CLEC2L: variants seen among roughly 807,000 people sequenced by gnomAD.
The protein encoded by CLEC2L is C-type lectin domain family 2 member L.
CLEC2L carries 14 observed loss-of-function variants against 23.6 expected under a neutral mutation model. The ratio of observed to expected loss-of-function variants is 0.59; its 90% CI spans 0.39 to 0.93. The LOEUF is 0.93. Among genes scored for constraint, CLEC2L ranks in the 40% least tolerant of loss-of-function variants. CLEC2L has a pLI of 0.00. For missense variants in CLEC2L, 264 were observed against 282.4 expected (o/e 0.93, Z 0.47); for synonymous variants, 114 against 121.3 (o/e 0.94, Z 0.40).
intron 3 of CLEC2L, among the ~76,000 whole-genome samples, chr7:139,541,170 G>A (rs62491676): frequency 0.012 from 1,855 of 152,018 alleles, 18 homozygotes; most frequent in Non-Finnish European, 0.02. Flanking sequence ...CACCATGCCT[G>A]GCTACTTTTT....
At chr7:139,534,472 C>T (rs1229922350) in intron 1 of CLEC2L, 2 of 787,240 alleles carry the variant, frequency 2.5e-6, no homozygotes, top group South Asian at 1.3e-5. Flanking sequence ...GATACCCAGA[C>T]ATACCAGCCT....
At position 139,540,724 on chromosome 7, in the gene CLEC2L, C is replaced by T. The variant is rs1797722317; in HGVS notation, c.432+237C>T. 6.6e-6 allele frequency among the ~76,000 whole-genome samples: 1 copy of T among 152,146 alleles called. No homozygotes were observed. ...GCCACCTATTTCAATCCAAGGCCCA[C>T]TGGTTGAGGTCACTTAGTATTATAA... On this transcript the variant is annotated intron_variant, in intron 3 of 4. Transcript: ENST00000422142. The surrounding 1 kb of genome is among the most constrained non-coding windows in gnomAD (Gnocchi z 5.8).
intron 4 of CLEC2L, among the ~76,000 whole-genome samples, chr7:139,542,958 T>TGCCA (rs1797758843): frequency 6.6e-6 from 1 of 151,902 alleles, no homozygotes; most frequent in Non-Finnish European, 1.5e-5. Context: ...GGCTCTGAGG[T>TGCCA]GCCAGCCGGA....
chr7:139,542,528 G>A (rs1455225705), intron 4 of CLEC2L, among the ~76,000 whole-genome samples: 1 of 152,214 alleles, frequency 6.6e-6, no homozygotes, highest in Non-Finnish European at 1.5e-5. Context: ...TTAGTCACAT[G>A]GCCGCACCTG....
intron 1 of CLEC2L, among the ~76,000 whole-genome samples, chr7:139,528,269 T>G (rs1182831242): frequency 1.3e-5 from 2 of 152,046 alleles, no homozygotes; most frequent in Non-Finnish European, 2.9e-5. Flanking sequence ...TGGAGTAGAG[T>G]GGGCCCTAAT....
Position 139,544,582 on chromosome 7 carries a change from C to T in CLEC2L, c.*240C>T. 1.8e-6 allele frequency: 1 copy of T among 551,478 alleles called. No individual in the cohort carries two copies. The highest frequency in any genetic ancestry group is 3.3e-6 in the Non-Finnish European group (1 of 306,234). The allele number at this position is 551,478 out of a possible 1,614,324, so 34.2% of individuals were successfully genotyped here. On this transcript the variant is annotated 3_prime_UTR_variant, in exon 5 of 5. Transcript: ENST00000422142. ...AATCCCATATGCTAGGTAGTGTAGG[C>T]ATCTGCCCACCTACACACACACACA...
chr7:139,524,197 C>A (rs1182471900), intron 1 of CLEC2L, 80 bp downstream of exon 1: 4 of 1,074,920 alleles, frequency 3.7e-6, no homozygotes, highest in South Asian at 4.4e-5. Flanking sequence ...CGGTCAGAGT[C>A]ACCTTGGCCG....
At chr7:139,534,610 G>A (rs1400883315) in intron 1 of CLEC2L, 7 of 682,074 alleles carry the variant, frequency 1.0e-5, no homozygotes, top group East Asian at 5.0e-5. Flanking sequence ...AGGTGAGTAC[G>A]GTGTGCTGTA....
rs1797467500 is a variant in CLEC2L, at chr7:139,523,964, C to CCGCCGCCGCCCCT, written c.44_56dup (p.Arg20AlafsTer22). ...CCGGGAGCCCCCCTCGCGGGCCCGG[C>CCGCCGCCGCCCCT]CGCCGCCGCCCCTCGCCGCGCGCCC... On this transcript the variant is annotated frameshift_variant, in exon 1 of 5. Transcript: ENST00000422142. LOFTEE classifies it high-confidence loss of function. This position sits in a 1 kb window ranked among gnomAD's most constrained non-coding sequence, Gnocchi z 4.1. 1 of 967,806 alleles carries CCGCCGCCGCCCCT rather than the reference C, an allele frequency of 1.0e-6. No homozygotes were observed. Among genetic ancestry groups the CCGCCGCCGCCCCT allele is most frequent in the Non-Finnish European group, 1.2e-6 (1 of 816,678 alleles). The allele number at this position is 967,806 out of a possible 1,614,324, so 60.0% of individuals were successfully genotyped here.
intron 1 of CLEC2L, among the ~76,000 whole-genome samples, chr7:139,526,772 C>A (rs1797512835): frequency 6.6e-6 from 1 of 152,210 alleles, no homozygotes; most frequent in Non-Finnish European, 1.5e-5. Flanking sequence ...TATGGTGACT[C>A]CTCTTCCCAG....
In CLEC2L at chr7:139,536,308, G is replaced by C. The variant is rs1425971976; in HGVS notation, c.225G>C (p.Ala75=). The C allele has an allele frequency of 6.4e-7, 1 of 1,551,398 alleles. No individual in the cohort carries two copies. Among genetic ancestry groups the C allele is most frequent in the Non-Finnish European group, 8.7e-7 (1 of 1,146,882 alleles). The change falls in exon 2 of 5, where the codon GCG becomes GCC. Residue 75 remains alanine, a synonymous_variant. Coordinates refer to ENST00000422142, the MANE Select transcript of CLEC2L (RefSeq NM_001080511.4). ...CACGCCTCCTGCTGGGTGCCATCGCGGTCCTTCTGTTCGCCATCTTGGTGG... is the reference window on the plus strand; with the variant it reads ...CACGCCTCCTGCTGGGTGCCATCGCCGTCCTTCTGTTCGCCATCTTGGTGG... The part of the protein sequence containing the change: ...TTTRLLLGAI[A]VLLFAILVVM...
At chr7:139,528,246 G>A (rs1797532622) in intron 1 of CLEC2L, among the ~76,000 whole-genome samples, 1 of 152,190 alleles carries the variant, frequency 6.6e-6, no homozygotes, top group Admixed American at 6.5e-5. Context: ...TTGTAGTTAA[G>A]ATGAGGTCAG....
chr7:139,536,803 G>C (rs59168354), intron 2 of CLEC2L, among the ~76,000 whole-genome samples: 16,559 of 151,300 alleles, frequency 0.11, 1,904 homozygotes, highest in African/African-American at 0.29. Context: ...GGTGAAACCC[G>C]GTCTCTACTA....
rs1299780289 is a variant in CLEC2L at position 139,540,299 on chromosome 7, C to A, written c.266-22C>A. 2.5e-6 allele frequency: 4 copies of A among 1,588,282 alleles called. No individual in the cohort carries two copies. The highest frequency in any genetic ancestry group is 2.6e-6 in the Non-Finnish European group (3 of 1,166,868). On this transcript the variant is annotated intron_variant, in intron 2 of 4. Transcript: ENST00000422142. The surrounding 1 kb of genome is among the most constrained non-coding windows in gnomAD (Gnocchi z 5.8). The stretch of plus-strand genomic sequence containing the variant: ...CTCGGGCTGGGGGGGCGGGCAGGGC[C>A]GAGCTGGTCTCTTCCCTGCAGCTTC...
chr7:139,536,752 A>G (rs1487224362), intron 2 of CLEC2L, among the ~76,000 whole-genome samples: 2 of 151,956 alleles, frequency 1.3e-5, no homozygotes, highest in African/African-American at 4.8e-5. Flanking sequence ...AGGTGGGTGG[A>G]TCACCTGAGG....
At chr7:139,537,953 G>T (rs1797682518) in intron 2 of CLEC2L, among the ~76,000 whole-genome samples, 1 of 152,214 alleles carries the variant, frequency 6.6e-6, no homozygotes, top group African/African-American at 2.4e-5. Context: ...AAATACAAGT[G>T]TATTGTAGGT....
At chr7:139,535,618 A>C (rs1194970026) in intron 1 of CLEC2L, among the ~76,000 whole-genome samples, 1 of 152,242 alleles carries the variant, frequency 6.6e-6, no homozygotes, top group Non-Finnish European at 1.5e-5. Context: ...TGAGAATATT[A>C]AATGATAACA....
chr7:139,529,538 G>A (rs1368066973), intron 1 of CLEC2L, among the ~76,000 whole-genome samples: 2 of 152,198 alleles, frequency 1.3e-5, no homozygotes, highest in Non-Finnish European at 2.9e-5. Flanking sequence ...CCAGGAAACT[G>A]TGATGAAGCT....
intron 1 of CLEC2L, among the ~76,000 whole-genome samples, chr7:139,532,586 A>G (rs982319330): frequency 6.6e-6 from 1 of 152,188 alleles, no homozygotes; most frequent in South Asian, 2.1e-4. Flanking sequence ...CCAAATTTAT[A>G]GGTTGAATCA....
Sources: gnomAD v4.1 joint callset for allele counts (sites outside exome capture counted in the v4.1 genomes callset) on GRCh38, gnomAD v4.1.1 for gene constraint, Gnocchi (gnomAD v3.1) non-coding constraint, MANE v1.5 for transcripts, NCBI Gene and HGNC (gene_info 2026-07-23, HGNC 2026-07-21) for gene names.